The following TARS3 variants were observed in gnomAD, a reference collection of about 807,000 sequenced individuals.
TARS3 encodes the protein threonine--tRNA ligase 2, cytoplasmic.
TARS3 carries 94 observed loss-of-function variants against 103.5 expected under a neutral mutation model. The ratio of observed to expected loss-of-function variants is 0.91; its 90% CI spans 0.77 to 1.08. The LOEUF (loss-of-function observed/expected upper bound fraction) is 1.08, where lower values mean the gene tolerates loss of function less well. Among genes scored for constraint, TARS3 ranks in the 50% least tolerant of loss-of-function variants. The pLI is 0.00. For synonymous variants in TARS3, 416 were observed against 355.4 expected, an observed-to-expected ratio of 1.17 and a Z score of -1.92; for missense variants, 952 against 995.2, an observed-to-expected ratio of 0.96 and a Z score of 0.58.
chr15:101,721,428 G>T (rs1900453407), intron 2 of TARS3, 106 bp from the exon 3 acceptor site: 1 of 784,596 alleles, frequency 1.3e-6, no homozygotes. Context: ...CAGTTCTACA[G>T]ATGGTCCCAA....
chr15:101,659,719 A>G (rs1180598827), intron 16 of TARS3, among the ~76,000 whole-genome samples: 4 of 152,210 alleles, frequency 2.6e-5, no homozygotes, highest in Non-Finnish European at 4.4e-5. Flanking sequence ...AACCAACTGG[A>G]AAGAAATATA....
chr15:101,676,261 G>C (rs1018926499), intron 12 of TARS3, among the ~76,000 whole-genome samples: 12 of 152,216 alleles, frequency 7.9e-5, no homozygotes, highest in African/African-American at 2.7e-4. Flanking sequence ...GGGAGGCAAT[G>C]AAGGGTTTTT....
chr15:101,718,619 G>A (rs1210259354), intron 3 of TARS3, among the ~76,000 whole-genome samples: 1 of 152,096 alleles, frequency 6.6e-6, no homozygotes, highest in African/African-American at 2.4e-5. Context: ...AGACAATAGA[G>A]GCCAGTGGAA....
intron 12 of TARS3, among the ~76,000 whole-genome samples, chr15:101,676,673 A>ATT (rs35108247): frequency 7.3e-6 from 1 of 137,732 alleles, no homozygotes; most frequent in African/African-American, 2.6e-5. Flanking sequence ...TAATTTTTGT[A>ATT]TTTTTTTTTT....
chr15:101,701,105 G>C lies in TARS3; in HGVS notation c.1301C>G (p.Thr434Arg), dbSNP rs570970698. The change falls in exon 10 of 19, where the codon ACG becomes AGG. Residue 434 changes from threonine (T) to arginine (R), a missense_variant. Physicochemically the swap from Thr to Arg is moderately conservative, Grantham distance 71. Transcript: ENST00000335968. ...FLPRGAFIYN[T>R]LTDFIREEYH... is the part of the protein sequence containing the mutation. ...ACTTACTCGTATGAAATCTGTAAGC[G>C]TATTATAAATGAAGGCTCCTCTGGG... 20 of 1,577,376 alleles carry C rather than the reference G, an allele frequency of 1.3e-5. No homozygotes were observed. Among genetic ancestry groups the C allele is most frequent in the Non-Finnish European group, 1.7e-5 (20 of 1,165,986 alleles).
intron 10 of TARS3, among the ~76,000 whole-genome samples, chr15:101,689,541 C>G (rs1410466042): frequency 6.6e-6 from 1 of 151,942 alleles, no homozygotes; most frequent in African/African-American, 2.4e-5. Context: ...GACACAGAGA[C>G]AGATGCACAC....
At chr15:101,673,114 C>T (rs1243075437) in intron 13 of TARS3, among the ~76,000 whole-genome samples, 1 of 152,198 alleles carries the variant, frequency 6.6e-6, no homozygotes, top group Admixed American at 6.5e-5. Context: ...TATTTCAATG[C>T]TCACCTCAGT....
intron 18 of TARS3, among the ~76,000 whole-genome samples, chr15:101,655,014 G>A (rs1215485619): frequency 6.6e-6 from 1 of 151,804 alleles, no homozygotes; most frequent in African/African-American, 2.4e-5. Flanking sequence ...TGGCACTAGG[G>A]CGCAAATGAG....
At chr15:101,696,896 G>C (rs1899008366) in intron 10 of TARS3, among the ~76,000 whole-genome samples, 1 of 152,158 alleles carries the variant, frequency 6.6e-6, no homozygotes, top group African/African-American at 2.4e-5. Flanking sequence ...GGTTTATAAA[G>C]GCTGCACATG....
intron 1 of TARS3, among the ~76,000 whole-genome samples, 198 bp from the exon 2 acceptor site, chr15:101,723,362 C>T (rs533281806): frequency 6.6e-6 from 1 of 152,160 alleles, no homozygotes; most frequent in Non-Finnish European, 1.5e-5. Context: ...TTGCTAAGCA[C>T]ATTTAATATA....
chr15:101,671,664 G>C lies in TARS3; in HGVS notation c.1866+7C>G, dbSNP rs766599811. 1.2e-6 allele frequency: 2 copies of C among 1,613,548 alleles called. No individual in the cohort carries two copies. Among genetic ancestry groups the C allele is most frequent in the Non-Finnish European group, 8.5e-7 (1 of 1,179,708 alleles). On this transcript the variant is annotated splice_region_variant and intron_variant, in intron 14 of 18. Transcript: ENST00000335968. The stretch of plus-strand genomic sequence containing the variant: ...TTTTGCTGTTTTGAAGCATGTGGTC[G>C]ACTCACTTTAGGGCCATAAAATGCT...
intron 2 of TARS3, among the ~76,000 whole-genome samples, chr15:101,722,021 T>C (rs1057464558): frequency 6.6e-6 from 1 of 152,202 alleles, no homozygotes; most frequent in African/African-American, 2.4e-5. Context: ...TAAACTACGA[T>C]GATCACTAGC....
At chr15:101,693,093 T>C (rs1434908436) in intron 10 of TARS3, among the ~76,000 whole-genome samples, 1 of 152,226 alleles carries the variant, frequency 6.6e-6, no homozygotes, top group African/African-American at 2.4e-5. Flanking sequence ...GCAACCCTCA[T>C]GCACAGCTGG....
chr15:101,700,378 T>C (rs1433808096), intron 10 of TARS3, among the ~76,000 whole-genome samples: 1 of 152,196 alleles, frequency 6.6e-6, no homozygotes, highest in Non-Finnish European at 1.5e-5. Flanking sequence ...AGTCATGCTA[T>C]AGGCAAAGGG....
At chr15:101,679,016 C>A (rs746376369) in intron 12 of TARS3, among the ~76,000 whole-genome samples, 11 of 152,086 alleles carry the variant, frequency 7.2e-5, no homozygotes, top group Non-Finnish European at 1.2e-4. Context: ...AAATTGCTAT[C>A]ATTCAAATTG....
At chr15:101,707,400 C>A (rs755174316) in intron 6 of TARS3, among the ~76,000 whole-genome samples, 4 of 152,164 alleles carry the variant, frequency 2.6e-5, no homozygotes, top group Non-Finnish European at 5.9e-5. Context: ...TTCACAGCAG[C>A]GCTGTTCACA....
chr15:101,707,981 C>T (rs1043376122), intron 6 of TARS3, among the ~76,000 whole-genome samples: 8 of 152,128 alleles, frequency 5.3e-5, no homozygotes, highest in South Asian at 2.1e-4. Flanking sequence ...TGGTGGCTCA[C>T]GCCTGTAATC....
At chr15:101,710,819 GGA>G (rs948851921) in intron 5 of TARS3, among the ~76,000 whole-genome samples, 4 of 151,896 alleles carry the variant, frequency 2.6e-5, no homozygotes, top group African/African-American at 4.9e-5. Flanking sequence ...AACAAGAGAA[GGA>G]GAGGGGGGTG....
At position 101,680,345 on chromosome 15, in the gene TARS3, C is replaced by G. The variant is rs113893348; in HGVS notation, c.1650+3730G>C. Among the ~76,000 whole-genome samples the G allele has an allele frequency of 3.7e-3, 570 of 152,308 alleles. 8 individuals are homozygous for G. The highest frequency in any genetic ancestry group is 0.013 in the African/African-American group (537 of 41,562). On this transcript the variant is annotated intron_variant, in intron 12 of 18. Coordinates refer to ENST00000335968, the MANE Select transcript of TARS3 (RefSeq NM_152334.3). ...GGCTGCCCCTTTCCTAGTCCTTTGG[C>G]TACAGCAAGCAGACTTCTGTTGGCC...
Sources: allele counts gnomAD v4.1 joint callset (sites outside exome capture counted in the v4.1 genomes callset), GRCh38; gene constraint gnomAD v4.1.1; transcripts MANE v1.5; gene names NCBI Gene and HGNC (gene_info 2026-07-23, HGNC 2026-07-21).